PAM: variants seen among roughly 807,000 people sequenced by gnomAD.
The protein encoded by PAM is peptidylglycine alpha-amidating monooxygenase.
PAM carries 72 observed loss-of-function variants against 122.1 expected under a neutral mutation model. The ratio of observed to expected loss-of-function variants is 0.59; its 90% CI spans 0.49 to 0.72. The LOEUF is 0.72. PAM is among the 30% of genes least tolerant of loss of function. PAM has a pLI of 0.00. For synonymous variants in PAM, 389 were observed against 404.4 expected, an observed-to-expected ratio of 0.96 and a Z score of 0.46; for missense variants, 1,106 against 1,183.7, an observed-to-expected ratio of 0.93 and a Z score of 0.96.
rs556042211 is a variant in PAM, at chr5:102,942,586, AT to A, written c.527-4237del. 5.3e-3 allele frequency among the ~76,000 whole-genome samples: 777 copies of A among 145,508 alleles called. 4 individuals are homozygous for A. Among genetic ancestry groups the A allele is most frequent in the African/African-American group, 0.013 (539 of 39,952 alleles). Reference sequence around the variant, plus strand: ...AATTATTTGCTTCCAAATTTTCTAAATTTTTTTTTTTTTTGAAACAGAGTCT... The same window carrying A: ...AATTATTTGCTTCCAAATTTTCTAAATTTTTTTTTTTTTGAAACAGAGTCT... On this transcript the variant is annotated intron_variant, in intron 7 of 25. Coordinates refer to ENST00000438793, the MANE Select transcript of PAM (RefSeq NM_001177306.2).
intron 1 of PAM, among the ~76,000 whole-genome samples, chr5:102,758,334 G>A (rs1486308005): frequency 6.6e-6 from 1 of 151,970 alleles, no homozygotes; most frequent in Non-Finnish European, 1.5e-5. Flanking sequence ...CTGAGGGGCA[G>A]CCTGAGGGAC....
chr5:102,967,073 A>G (rs1359513130), intron 14 of PAM, among the ~76,000 whole-genome samples: 1 of 151,898 alleles, frequency 6.6e-6, no homozygotes, highest in Non-Finnish European at 1.5e-5. Flanking sequence ...TATTTCATCT[A>G]TTTTAGTTTT....
intron 1 of PAM, among the ~76,000 whole-genome samples, chr5:102,787,369 A>C (rs6859777): frequency 0.028 from 4,201 of 152,126 alleles, 113 homozygotes; most frequent in East Asian, 0.14. Context: ...CTGGGACCTG[A>C]GACATATTTT....
At chr5:102,814,762 C>G (rs1769170726) in intron 1 of PAM, among the ~76,000 whole-genome samples, 1 of 151,712 alleles carries the variant, frequency 6.6e-6, no homozygotes, top group African/African-American at 2.4e-5. Context: ...TCTTAAAATT[C>G]TAAATTGATG....
chr5:102,946,623 C>A (rs934766372), intron 7 of PAM, among the ~76,000 whole-genome samples: 1 of 149,238 alleles, frequency 6.7e-6, no homozygotes, highest in South Asian at 2.2e-4. Flanking sequence ...CCATAGACTG[C>A]ATGAAATGAT....
intron 23 of PAM, among the ~76,000 whole-genome samples, chr5:103,023,902 G>A (rs1784294246): frequency 6.6e-6 from 1 of 152,146 alleles, no homozygotes; most frequent in African/African-American, 2.4e-5. Flanking sequence ...CCATCTGTTT[G>A]TATTATAAAT....
chr5:102,879,053 C>T (rs1227980355), intron 3 of PAM, among the ~76,000 whole-genome samples: 1 of 152,026 alleles, frequency 6.6e-6, no homozygotes, highest in Admixed American at 6.5e-5. Context: ...CTCAGCCTCC[C>T]GAGTAGCTGG....
rs1777856646 is a variant in PAM at position 103,003,016 on chromosome 5, T to C, written c.1614-17T>C. The C allele has an allele frequency of 3.4e-6, 4 of 1,166,192 alleles. No individual in the cohort carries two copies. The highest frequency in any genetic ancestry group is 5.2e-6 in the Non-Finnish European group (4 of 772,470). 72.2% of individuals were successfully genotyped at this position (1,166,192 alleles called of 1,614,324 possible). On this transcript the variant is annotated splice_polypyrimidine_tract_variant and intron_variant, in intron 16 of 25. Transcript: ENST00000438793. ...ATTTATGATTGTTTCATGTCCTATT[T>C]AATGCTTTTTGTTTAGCTCGTTTGA...
chr5:102,972,765 A>G (rs1766253657), intron 14 of PAM, among the ~76,000 whole-genome samples: 1 of 152,220 alleles, frequency 6.6e-6, no homozygotes. Flanking sequence ...GTGCCCTAAC[A>G]GATTTGGTTG....
At chr5:102,964,848 A>G (rs1763580370) in intron 14 of PAM, among the ~76,000 whole-genome samples, 1 of 151,760 alleles carries the variant, frequency 6.6e-6, no homozygotes, top group African/African-American at 2.4e-5. Flanking sequence ...GGCAAGAGTG[A>G]TTTTTAATGG....
At chr5:102,760,882 C>A (rs1463651838) in intron 1 of PAM, among the ~76,000 whole-genome samples, 1 of 152,198 alleles carries the variant, frequency 6.6e-6, no homozygotes, top group East Asian at 1.9e-4. Flanking sequence ...GGAGACTGGG[C>A]AGACTGGGAC....
At chr5:102,760,495 A>C (rs1752000280) in intron 1 of PAM, among the ~76,000 whole-genome samples, 1 of 152,232 alleles carries the variant, frequency 6.6e-6, no homozygotes, top group African/African-American at 2.4e-5. Context: ...AAATTTAAGT[A>C]TAAATTAATT....
chr5:102,934,597 G>C (rs908869407), intron 7 of PAM, among the ~76,000 whole-genome samples: 1 of 152,078 alleles, frequency 6.6e-6, no homozygotes, highest in Non-Finnish European at 1.5e-5. Flanking sequence ...GGTATGCTTT[G>C]ATGGGGATAG....
chr5:102,899,723 G>C (rs903735990), intron 3 of PAM, among the ~76,000 whole-genome samples: 1 of 151,678 alleles, frequency 6.6e-6, no homozygotes, highest in African/African-American at 2.4e-5. Flanking sequence ...TGGTAAAATA[G>C]ATTTTATTCA....
intron 1 of PAM, among the ~76,000 whole-genome samples, chr5:102,853,719 G>C (rs1373548169): frequency 6.6e-6 from 1 of 152,174 alleles, no homozygotes; most frequent in African/African-American, 2.4e-5. Context: ...TTAGGACTTA[G>C]AACTATCACT....
At chr5:102,843,393 A>C (rs1580831284) in intron 1 of PAM, among the ~76,000 whole-genome samples, 2 of 152,314 alleles carry the variant, frequency 1.3e-5, no homozygotes, top group African/African-American at 4.8e-5. Flanking sequence ...CACAGAGTTA[A>C]ATGTAAAAAA....
At chr5:102,770,122 A>G (rs1313009829) in intron 1 of PAM, among the ~76,000 whole-genome samples, 2 of 151,926 alleles carry the variant, frequency 1.3e-5, no homozygotes, top group African/African-American at 2.4e-5. Context: ...GGCTTTTTTA[A>G]TAGGATTTTA....
chr5:102,842,970 G>A (rs1008977229), intron 1 of PAM, among the ~76,000 whole-genome samples: 6 of 152,168 alleles, frequency 3.9e-5, no homozygotes, highest in Non-Finnish European at 8.8e-5. Context: ...AAGAGGAAGA[G>A]GAGAAAAATG....
Position 102,866,202 on chromosome 5 carries a change from G to A in PAM, c.7G>A (p.Gly3Ser), listed in dbSNP as rs751303365. 4 of 1,611,562 alleles carry A rather than the reference G, an allele frequency of 2.5e-6. No homozygotes were observed. Among genetic ancestry groups the A allele is most frequent in the Non-Finnish European group, 3.4e-6 (4 of 1,178,366 alleles). ...GGGTCGTATCGGCGTGGACATGGCT[G>A]GCCGCGTCCCTAGCCTGCTAGTTCT... MA[G>S]RVPSLLVLLV... The change falls in exon 2 of 26, where the codon GGC becomes AGC. Residue 3 changes from glycine to serine, a missense_variant. By Grantham distance (56) the Gly-to-Ser change is moderately conservative. Around this residue, in one of 3 missense-constraint regions of PAM, gnomAD observed 670 missense variants for 690.3 expected, o/e 0.97. Transcript: ENST00000438793.
Sources: gnomAD v4.1 joint callset for allele counts (sites outside exome capture counted in the v4.1 genomes callset) on GRCh38, gnomAD v4.1.1 for gene constraint, gnomAD v4.1.1 regional missense constraint, MANE v1.5 for transcripts, NCBI Gene and HGNC (gene_info 2026-07-23, HGNC 2026-07-21) for gene names.